WWOX: variants seen among roughly 807,000 people sequenced by gnomAD.
WWOX encodes WW domain containing oxidoreductase, also known as WW domain-containing oxidoreductase.
In WWOX, 69 loss-of-function variants were observed where a neutral mutation model predicts 46.2. The observed-to-expected ratio is 1.49, with a 90% CI of 1.23 to 1.82. The LOEUF is 1.82. Ranked by LOEUF, WWOX falls within the 40% of genes most tolerant of loss-of-function variation. The pLI is 0.00. For missense variants in WWOX, 919 were observed against 542.6 expected, an observed-to-expected ratio of 1.69 and a Z score of -6.89; for synonymous variants, 359 against 202.6, an observed-to-expected ratio of 1.77 and a Z score of -6.56.
At chr16:79,178,388 C>A (rs4888934) in intron 8 of WWOX, among the ~76,000 whole-genome samples, 1 of 151,876 alleles carries the variant, frequency 6.6e-6, no homozygotes, top group Non-Finnish European at 1.5e-5. Context: ...GCGGTCACAG[C>A]TCACTACAGC....
chr16:79,076,130 C>G (rs914011303), intron 8 of WWOX, among the ~76,000 whole-genome samples: 1 of 152,198 alleles, frequency 6.6e-6, no homozygotes, highest in Admixed American at 6.5e-5. Context: ...GACCAGCCTA[C>G]GCTGAGTATT....
intron 8 of WWOX, among the ~76,000 whole-genome samples, chr16:78,602,738 A>T (rs564601252): frequency 6.6e-6 from 1 of 152,224 alleles, no homozygotes; most frequent in Non-Finnish European, 1.5e-5. Context: ...CATTTACTGT[A>T]TGCTGGGCAC....
At chr16:78,684,663 A>T (rs1013923074) in intron 8 of WWOX, among the ~76,000 whole-genome samples, 1 of 152,170 alleles carries the variant, frequency 6.6e-6, no homozygotes, top group African/African-American at 2.4e-5. Context: ...GCCCTCATGG[A>T]TGGGGTTGGG....
At chr16:78,345,860 C>T (rs947285165) in intron 5 of WWOX, among the ~76,000 whole-genome samples, 1 of 118,860 alleles carries the variant, frequency 8.4e-6, no homozygotes, top group East Asian at 1.9e-4. Context: ...GTTTGATCAA[C>T]TTTGTTGCGG....
intron 8 of WWOX, among the ~76,000 whole-genome samples, chr16:78,918,184 G>C (rs746095375): frequency 1.6e-4 from 25 of 152,124 alleles, no homozygotes; most frequent in Non-Finnish European, 2.6e-4. Context: ...GATTGCACCA[G>C]CCTGGGTGAC....
rs541874976 is a variant in WWOX at position 78,910,690 on chromosome 16, G to A, written c.1057-300918G>A. Among the ~76,000 whole-genome samples, 8 of 152,036 alleles carry A rather than the reference G, an allele frequency of 5.3e-5. No homozygotes were observed. The East Asian group carries it at 1.5e-3, about 29-fold the overall frequency. On this transcript the variant is annotated intron_variant, in intron 8 of 8. Coordinates refer to ENST00000566780, the MANE Select transcript of WWOX (RefSeq NM_016373.4). ...AAGGAGCAAAGTCACATCTTACATG[G>A]TGGCAGGCAAGAGAACTTGTGCAGG... is the stretch of plus-strand genomic sequence containing the variant.
At chr16:78,607,588 A>G (rs1298512206) in intron 8 of WWOX, among the ~76,000 whole-genome samples, 1 of 152,138 alleles carries the variant, frequency 6.6e-6, no homozygotes, top group African/African-American at 2.4e-5. Flanking sequence ...GAAGTCTCCA[A>G]AGAATGACCA....
chr16:78,203,567 T>C (rs921009125), intron 5 of WWOX, among the ~76,000 whole-genome samples: 2 of 152,128 alleles, frequency 1.3e-5, no homozygotes, highest in African/African-American at 4.8e-5. Flanking sequence ...GGCAAACTTG[T>C]TTTAGTTGAC....
chr16:78,706,763 T>C (rs1397973274), intron 8 of WWOX, among the ~76,000 whole-genome samples: 1 of 152,188 alleles, frequency 6.6e-6, no homozygotes. Flanking sequence ...AGATGGTTCT[T>C]CCTGACAGCT....
At chr16:78,819,063 A>G (rs1046665698) in intron 8 of WWOX, among the ~76,000 whole-genome samples, 4 of 152,338 alleles carry the variant, frequency 2.6e-5, no homozygotes, top group South Asian at 4.1e-4. Flanking sequence ...CACTTAGCAC[A>G]TGAGCAGGCC....
chr16:79,013,418 T>C (rs1425754859), intron 8 of WWOX, among the ~76,000 whole-genome samples: 1 of 152,192 alleles, frequency 6.6e-6, no homozygotes, highest in African/African-American at 2.4e-5. Flanking sequence ...CTCTTTTATC[T>C]TCCCTGGAGT....
intron 8 of WWOX, chr16:78,552,080 G>C (rs1039909972): frequency 6.6e-6 from 1 of 152,198 alleles, no homozygotes; most frequent in Admixed American, 6.5e-5. Flanking sequence ...GGCTCCCTCT[G>C]GAAAGAAAAT....
intron 8 of WWOX, chr16:78,551,923 C>T (rs562761036): frequency 2.0e-4 from 30 of 152,322 alleles, no homozygotes; most frequent in African/African-American, 6.7e-4. Context: ...CAAAACCACC[C>T]CCTCTTACCT....
intron 8 of WWOX, among the ~76,000 whole-genome samples, chr16:78,923,545 C>T (rs1424425297): frequency 2.0e-5 from 3 of 151,964 alleles, no homozygotes; most frequent in African/African-American, 7.3e-5. Context: ...ATTCTACATA[C>T]ATAATATATA....
chr16:78,661,478 A>G (rs1281863050), intron 8 of WWOX, among the ~76,000 whole-genome samples: 1 of 152,190 alleles, frequency 6.6e-6, no homozygotes, highest in Non-Finnish European at 1.5e-5. Context: ...GTGGGATTGA[A>G]CAGTTATTTG....
intron 5 of WWOX, among the ~76,000 whole-genome samples, chr16:78,169,650 T>C (rs568193277): frequency 3.3e-5 from 5 of 152,262 alleles, no homozygotes; most frequent in Admixed American, 1.3e-4. Flanking sequence ...AGTTTCTAAA[T>C]TTTAGATCCC....
At chr16:78,388,209 T>C (rs918880928) in intron 6 of WWOX, among the ~76,000 whole-genome samples, 2 of 152,192 alleles carry the variant, frequency 1.3e-5, no homozygotes, top group Non-Finnish European at 2.9e-5. Context: ...TTTTGTATTT[T>C]TAGTAGACAT....
chr16:78,656,415 G>C (rs961436172), intron 8 of WWOX, among the ~76,000 whole-genome samples: 1 of 152,188 alleles, frequency 6.6e-6, no homozygotes, highest in Non-Finnish European at 1.5e-5. Context: ...TTGGCTCATG[G>C]TTCCGCAGGC....
intron 8 of WWOX, among the ~76,000 whole-genome samples, chr16:79,130,128 A>G (rs1202759737): frequency 1.3e-5 from 2 of 152,192 alleles, no homozygotes; most frequent in Non-Finnish European, 2.9e-5. Flanking sequence ...TGTGTAATAG[A>G]AAGGGAATTT....
Sources: allele counts gnomAD v4.1 joint callset (sites outside exome capture counted in the v4.1 genomes callset), GRCh38; gene constraint gnomAD v4.1.1; transcripts MANE v1.5; gene names NCBI Gene and HGNC (gene_info 2026-07-23, HGNC 2026-07-21).